Variants in RARB observed in about 807,000 individuals in gnomAD.
RARB encodes HBV-activated protein.
In RARB, 17 loss-of-function variants were observed where a neutral mutation model predicts 51.9. The observed-to-expected ratio is 0.33, with a 90% confidence interval of 0.22 to 0.49. RARB has a LOEUF of 0.49. Among genes scored for constraint, RARB ranks in the 20% least tolerant of loss-of-function variants. The pLI is 0.99. For synonymous variants in RARB, 215 were observed against 195.4 expected, an observed-to-expected ratio of 1.10 and a Z score of -0.84; for missense variants, 369 against 550.8, an observed-to-expected ratio of 0.67 and a Z score of 3.30.
chr3:25,441,368 C>T (rs570658799), intron 1 of RARB: 19 of 265,940 alleles, frequency 7.1e-5, no homozygotes, highest in African/African-American at 3.8e-4. Context: ...CACTGGACTT[C>T]GTATAAAGCC....
intron 2 of RARB, among the ~76,000 whole-genome samples, chr3:24,972,213 G>T (rs781215659): frequency 6.6e-6 from 1 of 151,754 alleles, no homozygotes; most frequent in Non-Finnish European, 1.5e-5. Flanking sequence ...CACTCTTTTA[G>T]CTCCCACATA....
intron 5 of RARB, among the ~76,000 whole-genome samples, chr3:25,236,713 C>CTT (rs1432860203): frequency 6.6e-6 from 1 of 151,908 alleles, no homozygotes; most frequent in African/African-American, 2.4e-5. Context: ...ATGTCTGCTG[C>CTT]TGTTTATTTA....
chr3:24,903,691 T>G (rs1031786317), intron 2 of RARB, among the ~76,000 whole-genome samples: 2 of 152,152 alleles, frequency 1.3e-5, no homozygotes, highest in Non-Finnish European at 2.9e-5. Flanking sequence ...AAGATCTTGA[T>G]GTTCAAGTGG....
At chr3:25,560,171 C>T (rs1448931409) in intron 3 of RARB, among the ~76,000 whole-genome samples, 1 of 152,100 alleles carries the variant, frequency 6.6e-6, no homozygotes, top group African/African-American at 2.4e-5. Flanking sequence ...TTCTGAAGAT[C>T]CTTAGAAACT....
At chr3:25,362,647 G>A (rs920892258) in intron 5 of RARB, among the ~76,000 whole-genome samples, 4 of 152,212 alleles carry the variant, frequency 2.6e-5, no homozygotes, top group Admixed American at 2.6e-4. Context: ...CAAAGACCAT[G>A]AGAAAAGCAT....
chr3:25,176,970 T>A (rs756335510), intron 5 of RARB, among the ~76,000 whole-genome samples: 3 of 152,104 alleles, frequency 2.0e-5, no homozygotes, highest in Non-Finnish European at 2.9e-5. Flanking sequence ...GTGGCTGACT[T>A]TTTTCTTGAG....
chr3:24,946,799 A>G (rs1414858333), intron 2 of RARB, among the ~76,000 whole-genome samples: 2 of 152,194 alleles, frequency 1.3e-5, no homozygotes, highest in Non-Finnish European at 2.9e-5. Flanking sequence ...GGGAGGGTCA[A>G]GGCTGCAGTG....
chr3:25,176,310 T>TTTCTTTCTTTCTTTCTTTCC (rs1700743606), intron 5 of RARB, among the ~76,000 whole-genome samples: 1 of 27,212 alleles, frequency 3.7e-5, no homozygotes, highest in East Asian at 1.4e-3. Context: ...TCTTTCTTTC[T>TTTCTTTCTTTCTTTCTTTCC]TTCTTTCTTT....
intron 5 of RARB, among the ~76,000 whole-genome samples, chr3:25,227,996 G>A (rs533142627): frequency 6.6e-6 from 1 of 151,984 alleles, no homozygotes; most frequent in Non-Finnish European, 1.5e-5. Context: ...GTCGCTATGT[G>A]GAAGTTTGAG....
At chr3:25,276,646 T>G (rs1231714625) in intron 5 of RARB, among the ~76,000 whole-genome samples, 2 of 152,200 alleles carry the variant, frequency 1.3e-5, no homozygotes, top group African/African-American at 2.4e-5. Flanking sequence ...GCCTCTAATT[T>G]TACAGAGTGA....
At chr3:25,395,372 T>G (rs1490742276) in intron 5 of RARB, among the ~76,000 whole-genome samples, 1 of 152,192 alleles carries the variant, frequency 6.6e-6, no homozygotes, top group Non-Finnish European at 1.5e-5. Flanking sequence ...GATGACTATG[T>G]GCATAGGTGA....
At chr3:25,430,181 T>C (rs1466235406) in intron 1 of RARB, among the ~76,000 whole-genome samples, 2 of 152,254 alleles carry the variant, frequency 1.3e-5, no homozygotes, top group African/African-American at 2.4e-5. Context: ...TGTAGAGCCA[T>C]AAGCAGGGCA....
intron 1 of RARB, among the ~76,000 whole-genome samples, chr3:24,851,219 G>A (rs1433942944): frequency 1.3e-5 from 2 of 152,096 alleles, no homozygotes; most frequent in Admixed American, 1.3e-4. Flanking sequence ...CTTGAGCTCA[G>A]GAGTTTGAGA....
intron 5 of RARB, among the ~76,000 whole-genome samples, chr3:25,191,810 T>G (rs1019733363): frequency 1.3e-5 from 2 of 152,116 alleles, no homozygotes; most frequent in African/African-American, 4.8e-5. Context: ...GTAGTTTGCT[T>G]CAATGACAAA....
chr3:25,313,327 T>C (rs1019817889), intron 5 of RARB, among the ~76,000 whole-genome samples: 1 of 152,226 alleles, frequency 6.6e-6, no homozygotes. Flanking sequence ...TTGCAAGATC[T>C]ACATCAAGTT....
At chr3:25,094,029 A>G (rs1699249623) in intron 3 of RARB, among the ~76,000 whole-genome samples, 1 of 152,212 alleles carries the variant, frequency 6.6e-6, no homozygotes, top group Non-Finnish European at 1.5e-5. Context: ...AAAGTGCCTG[A>G]GGAGCAAACT....
chr3:25,340,235 G>T (rs1400898835), intron 5 of RARB, among the ~76,000 whole-genome samples: 76 of 152,192 alleles, frequency 5.0e-4, no homozygotes, highest in Non-Finnish European at 4.4e-5. Flanking sequence ...AAAAACAGGT[G>T]ACTTTATTGT....
intron 5 of RARB, among the ~76,000 whole-genome samples, chr3:25,350,206 A>G (rs1316139873): frequency 6.6e-6 from 1 of 152,188 alleles, no homozygotes; most frequent in African/African-American, 2.4e-5. Flanking sequence ...GACAGTAGAC[A>G]CAGGGGCATG....
intron 3 of RARB, among the ~76,000 whole-genome samples, chr3:25,078,304 A>G (rs1013105118): frequency 8.5e-5 from 13 of 152,114 alleles, no homozygotes; most frequent in African/African-American, 1.9e-4. Context: ...TGTGTGGTAT[A>G]AAGCTGGGAT....
Sources: allele counts gnomAD v4.1 joint callset (sites outside exome capture counted in the v4.1 genomes callset), GRCh38; gene constraint gnomAD v4.1.1; transcripts MANE v1.5; gene names NCBI Gene and HGNC (gene_info 2026-07-23, HGNC 2026-07-21).